ACOXL: variants seen among roughly 807,000 people sequenced by gnomAD.
The protein encoded by ACOXL is acyl-coenzyme A oxidase-like protein.
Under a neutral mutation model 71.9 loss-of-function variants are expected in ACOXL, and 70 were observed. That is an observed-to-expected ratio of 0.97 (90% CI 0.80 to 1.19). ACOXL has a LOEUF of 1.19. ACOXL is among the 50% of genes most tolerant of loss of function. ACOXL has a pLI of 0.00. For missense variants in ACOXL, 703 were observed against 736.3 expected, an observed-to-expected ratio of 0.95 and a Z score of 0.52; for synonymous variants, 253 against 281.6, an observed-to-expected ratio of 0.90 and a Z score of 1.02.
chr2:110,767,651 G>A (rs771996273), intron 1 of ACOXL, among the ~76,000 whole-genome samples: 10 of 152,196 alleles, frequency 6.6e-5, no homozygotes, highest in Non-Finnish European at 1.3e-4. Flanking sequence ...GCAACCCTGA[G>A]TGGCAATCCT....
At chr2:110,781,609 C>T (rs935803563) in intron 2 of ACOXL, among the ~76,000 whole-genome samples, 4 of 151,780 alleles carry the variant, frequency 2.6e-5, no homozygotes, top group African/African-American at 9.7e-5. Flanking sequence ...ACCATGCACT[C>T]CAGCCTGGGT....
chr2:110,867,021 C>G (rs13424637), intron 10 of ACOXL, among the ~76,000 whole-genome samples: 51,361 of 152,010 alleles, frequency 0.34, 8,789 homozygotes, highest in Middle Eastern at 0.4. Context: ...AGGGTAGGAA[C>G]GCCCTGCAGA....
chr2:111,064,605 C>T (rs934685843), intron 16 of ACOXL, among the ~76,000 whole-genome samples: 5 of 152,088 alleles, frequency 3.3e-5, no homozygotes, highest in South Asian at 2.1e-4. Flanking sequence ...AAAGACTGTA[C>T]GTGTTCAGTA....
At chr2:110,834,627 A>C (rs962087167) in intron 9 of ACOXL, among the ~76,000 whole-genome samples, 2 of 152,212 alleles carry the variant, frequency 1.3e-5, no homozygotes, top group Non-Finnish European at 1.5e-5. Context: ...AGAAATGACA[A>C]AGGTGACAGC....
Position 110,784,772 on chromosome 2 carries a change from T to C in ACOXL, c.116T>C (p.Ile39Thr). 1 of 1,610,270 alleles carries C rather than the reference T, an allele frequency of 6.2e-7. No individual in the cohort carries two copies. The highest frequency in any genetic ancestry group is 8.5e-7 in the Non-Finnish European group (1 of 1,178,568). Residue 39 changes from isoleucine to threonine, a missense_variant, in exon 3 of 18, where the codon ATA becomes ACA. Physicochemically the swap from Ile to Thr is moderately conservative, Grantham distance 89. Coordinates refer to ENST00000439055, the MANE Select transcript of ACOXL (RefSeq NM_001142807.4). ...TKNFVSRSLV[I>T]GEVLSMADMA... ...AATTTTGTCAGCCGAAGCCTTGTCA[T>C]AGGAGAAGTCCTCTCCATGGCGGAC... is the stretch of plus-strand genomic sequence containing the variant.
chr2:110,739,675 G>A (rs866277523), intron 1 of ACOXL, among the ~76,000 whole-genome samples: 2 of 152,192 alleles, frequency 1.3e-5, no homozygotes, highest in African/African-American at 2.4e-5. Flanking sequence ...GGCTTTGATG[G>A]ACTTGGAGAG....
At chr2:110,896,573 T>C (rs1341465282) in intron 10 of ACOXL, among the ~76,000 whole-genome samples, 4 of 151,806 alleles carry the variant, frequency 2.6e-5, no homozygotes, top group African/African-American at 9.7e-5. Context: ...AAAGAAGGAG[T>C]GGCTACTTAA....
intron 10 of ACOXL, among the ~76,000 whole-genome samples, chr2:110,893,655 A>T (rs1222438408): frequency 6.6e-6 from 1 of 152,200 alleles, no homozygotes; most frequent in Non-Finnish European, 1.5e-5. Flanking sequence ...AGTATAGTTA[A>T]TGACAAGAGG....
intron 8 of ACOXL, 92 bp downstream of exon 8, chr2:110,801,816 G>A (rs1275835151): frequency 6.5e-6 from 7 of 1,077,092 alleles, no homozygotes; most frequent in African/African-American, 3.1e-5. Flanking sequence ...TGGGCTGCAT[G>A]TCTGGGCATT....
chr2:111,018,791 T>C (rs1252969587), intron 14 of ACOXL, among the ~76,000 whole-genome samples: 2 of 151,956 alleles, frequency 1.3e-5, no homozygotes, highest in Admixed American at 1.3e-4. Context: ...GAGGATGCCA[T>C]AGTGGAGTTG....
chr2:110,751,981 A>G (rs951575677), intron 1 of ACOXL, among the ~76,000 whole-genome samples: 2 of 151,998 alleles, frequency 1.3e-5, no homozygotes, highest in East Asian at 1.9e-4. Flanking sequence ...AAAAGAATAC[A>G]TAGTAGATAA....
intron 10 of ACOXL, among the ~76,000 whole-genome samples, chr2:110,876,524 A>G (rs1383120154): frequency 2.0e-5 from 3 of 152,230 alleles, no homozygotes; most frequent in Admixed American, 2.0e-4. Context: ...GGTAGATTGC[A>G]TCACACTGTG....
chr2:111,016,088 A>G (rs964326978), intron 14 of ACOXL, among the ~76,000 whole-genome samples: 6 of 140,212 alleles, frequency 4.3e-5, no homozygotes. Context: ...ATGTCCCACC[A>G]CGCCTGGCTA....
chr2:111,035,114 C>T (rs2065451862), intron 15 of ACOXL, among the ~76,000 whole-genome samples: 1 of 152,100 alleles, frequency 6.6e-6, no homozygotes, highest in African/African-American at 2.4e-5. Flanking sequence ...GATCTGCCCA[C>T]CTCGGCCTCC....
At chr2:111,023,500 G>T (rs1335136026) in intron 14 of ACOXL, among the ~76,000 whole-genome samples, 7 of 152,198 alleles carry the variant, frequency 4.6e-5, no homozygotes, top group African/African-American at 1.4e-4. Context: ...CGTGGAAGTG[G>T]TATTGGGCTG....
At chr2:110,953,606 TC>T (rs2061401125) in intron 12 of ACOXL, among the ~76,000 whole-genome samples, 2 of 152,166 alleles carry the variant, frequency 1.3e-5, no homozygotes, top group Admixed American at 1.3e-4. Flanking sequence ...TGCTGAAATC[TC>T]CCACTGTTGA....
chr2:110,776,604 T>G (rs1682683597), intron 2 of ACOXL, among the ~76,000 whole-genome samples: 1 of 151,942 alleles, frequency 6.6e-6, no homozygotes, highest in East Asian at 1.9e-4. Context: ...ATGAAGGGCC[T>G]AAGGTGGGAG....
chr2:110,999,148 C>T (rs1456743301), intron 14 of ACOXL, among the ~76,000 whole-genome samples: 1 of 152,116 alleles, frequency 6.6e-6, no homozygotes. Flanking sequence ...TCAAGGTTCC[C>T]AAAGGGTTGG....
chr2:111,009,414 T>G (rs1001742502), intron 14 of ACOXL, among the ~76,000 whole-genome samples: 1 of 151,288 alleles, frequency 6.6e-6, no homozygotes, highest in Non-Finnish European at 1.5e-5. Flanking sequence ...CTCAGGAGGC[T>G]GAGGCAGGAG....
Sources: gnomAD v4.1 joint callset for allele counts (sites outside exome capture counted in the v4.1 genomes callset) on GRCh38, gnomAD v4.1.1 for gene constraint, MANE v1.5 for transcripts, NCBI Gene and HGNC (gene_info 2026-07-23, HGNC 2026-07-21) for gene names.